Variants in NRXN3 observed in about 807,000 individuals in gnomAD.
NRXN3 encodes neurexin III.
In NRXN3, 32 loss-of-function variants were observed where a neutral mutation model predicts 137.6. The ratio of observed to expected loss-of-function variants is 0.23; its 90% CI spans 0.18 to 0.31. The LOEUF is 0.31. NRXN3 is among the 10% of genes least tolerant of loss of function. The pLI is 1.00. For missense variants in NRXN3, 1,574 were observed against 2,062.5 expected, an observed-to-expected ratio of 0.76 and a Z score of 4.59; for synonymous variants, 798 against 784.5, an observed-to-expected ratio of 1.02 and a Z score of -0.29.
At chr14:78,814,412 C>T (rs751671047) in intron 10 of NRXN3, among the ~76,000 whole-genome samples, 5 of 152,182 alleles carry the variant, frequency 3.3e-5, no homozygotes, top group African/African-American at 7.2e-5. Flanking sequence ...GTCAAGGGAT[C>T]GAGACCATCC....
In NRXN3 at chr14:79,861,289, C is replaced by G. The variant is rs1278928465; in HGVS notation, c.4094-53C>G. On this transcript the variant is annotated intron_variant, in intron 20 of 20. Transcript: ENST00000335750. The surrounding 1 kb of genome is among the most constrained non-coding windows in gnomAD (Gnocchi z 5.4). ...GCTCAGGGGAAACCTTTGACTCTAA[C>G]CTGCCCCCTACTGATGATGAAGATT... The G allele has an allele frequency of 5.2e-6, 8 of 1,536,096 alleles. No homozygotes were observed. Among genetic ancestry groups the G allele is most frequent in the Non-Finnish European group, 7.0e-6 (8 of 1,146,914 alleles).
At chr14:79,291,145 C>A (rs898262406) in intron 15 of NRXN3, among the ~76,000 whole-genome samples, 6 of 152,030 alleles carry the variant, frequency 3.9e-5, no homozygotes, top group African/African-American at 1.4e-4. Context: ...GGAATGGTCA[C>A]CTTTGAATGT....
chr14:79,802,422 T>C (rs551720807), intron 19 of NRXN3, among the ~76,000 whole-genome samples: 1 of 152,276 alleles, frequency 6.6e-6, no homozygotes, highest in East Asian at 1.9e-4. Flanking sequence ...TTCCCCCTAA[T>C]TGCCCTTTTC....
chr14:78,784,214 T>C (rs1469096442), intron 8 of NRXN3, among the ~76,000 whole-genome samples: 2 of 152,166 alleles, frequency 1.3e-5, no homozygotes, highest in Non-Finnish European at 1.5e-5. Flanking sequence ...TTAAGCTATT[T>C]GGGCTAGGGC....
chr14:79,337,205 C>A (rs1156847791), intron 15 of NRXN3, among the ~76,000 whole-genome samples: 1 of 152,142 alleles, frequency 6.6e-6, no homozygotes. Context: ...TCGGGACCTT[C>A]TTCTGGAGGG....
intron 4 of NRXN3, among the ~76,000 whole-genome samples, chr14:78,585,988 G>A (rs963932324): frequency 2.0e-5 from 3 of 152,188 alleles, no homozygotes; most frequent in Admixed American, 6.5e-5. Context: ...TAGCTAGTGG[G>A]GGCCAAAGCA....
intron 15 of NRXN3, among the ~76,000 whole-genome samples, chr14:79,234,336 AT>A (rs2072967859): frequency 1.9e-5 from 2 of 105,778 alleles, no homozygotes; most frequent in South Asian, 2.8e-4. Flanking sequence ...ATATATATAT[AT>A]ATAATATTTA....
At chr14:78,607,143 C>T (rs566624095) in intron 4 of NRXN3, among the ~76,000 whole-genome samples, 1 of 152,222 alleles carries the variant, frequency 6.6e-6, no homozygotes, top group East Asian at 1.9e-4. Context: ...TCTGTCTCCT[C>T]CCTGGGAGAA....
intron 20 of NRXN3, among the ~76,000 whole-genome samples, chr14:79,833,744 A>C (rs2099329582): frequency 6.6e-6 from 1 of 152,134 alleles, no homozygotes. Flanking sequence ...GTACCAACTG[A>C]TCAAAAATTC....
intron 2 of NRXN3, among the ~76,000 whole-genome samples, chr14:78,249,640 G>A (rs1180511012): frequency 2.0e-5 from 3 of 152,114 alleles, no homozygotes; most frequent in Admixed American, 1.3e-4. Flanking sequence ...TCCAAAGGTC[G>A]AGTGCCCTTC....
rs539346388 is a variant in NRXN3, at chr14:79,116,760, C to T, written c.3262+128619C>T. The stretch of plus-strand genomic sequence containing the variant: ...GCATTAGTTGCAGAAGTTTGGGAGA[C>T]TTCATTTCCACCCCAACATCCTGTT... On this transcript the variant is annotated intron_variant, in intron 15 of 20. Coordinates refer to ENST00000335750, the MANE Select transcript of NRXN3 (RefSeq NM_001330195.2). 5.3e-5 allele frequency among the ~76,000 whole-genome samples: 8 copies of T among 152,304 alleles called. No individual in the cohort carries two copies. In the South Asian group the frequency reaches 1.7e-3, roughly 32 times the overall value.
chr14:78,184,062 T>C (rs2060031583), intron 1 of NRXN3, among the ~76,000 whole-genome samples: 2 of 152,236 alleles, frequency 1.3e-5, no homozygotes, highest in Non-Finnish European at 2.9e-5. Flanking sequence ...AAATAATATA[T>C]GTTTGTTATA....
intron 8 of NRXN3, among the ~76,000 whole-genome samples, chr14:78,769,625 T>G (rs1428689005): frequency 3.3e-5 from 5 of 152,238 alleles, no homozygotes; most frequent in African/African-American, 1.2e-4. Context: ...TATAGTTCAC[T>G]TCTACGAATA....
chr14:78,856,303 G>A (rs10483917), intron 10 of NRXN3, among the ~76,000 whole-genome samples: 4,995 of 152,120 alleles, frequency 0.033, 123 homozygotes, highest in South Asian at 0.061. Flanking sequence ...CATCAACCTC[G>A]AAAATGTAAA....
chr14:79,715,958 A>T (rs189767724), intron 19 of NRXN3, among the ~76,000 whole-genome samples: 2 of 152,364 alleles, frequency 1.3e-5, no homozygotes, highest in Middle Eastern at 3.4e-3. Flanking sequence ...CATTGATGCT[A>T]AAGTCTGGAA....
chr14:78,804,977 A>G (rs1049716290), intron 9 of NRXN3, among the ~76,000 whole-genome samples: 1 of 152,174 alleles, frequency 6.6e-6, no homozygotes, highest in Admixed American at 6.5e-5. Flanking sequence ...AAAATGATGA[A>G]CAAATGTACC....
At chr14:79,636,651 A>T (rs1461052366) in intron 16 of NRXN3, among the ~76,000 whole-genome samples, 1 of 152,184 alleles carries the variant, frequency 6.6e-6, no homozygotes, top group East Asian at 1.9e-4. Context: ...TTGTTCTAGA[A>T]ATCAGAGTAT....
intron 1 of NRXN3, among the ~76,000 whole-genome samples, chr14:78,189,843 A>T (rs771339803): frequency 6.6e-6 from 1 of 152,024 alleles, no homozygotes; most frequent in African/African-American, 2.4e-5. Context: ...TGGCCATTTC[A>T]TGTTCCCAGG....
chr14:79,775,656 A>T (rs1229076015), intron 19 of NRXN3, among the ~76,000 whole-genome samples: 1 of 151,638 alleles, frequency 6.6e-6, no homozygotes, highest in Non-Finnish European at 1.5e-5. Context: ...TGCCCATTTT[A>T]CCACCCTAGG....
Sources: allele counts gnomAD v4.1 joint callset (sites outside exome capture counted in the v4.1 genomes callset), GRCh38; gene constraint gnomAD v4.1.1; non-coding constraint Gnocchi (gnomAD v3.1); transcripts MANE v1.5; gene names NCBI Gene and HGNC (gene_info 2026-07-23, HGNC 2026-07-21).